Variants in IMPA1 observed in about 807,000 individuals in gnomAD.
IMPA1 encodes the protein inositol monophosphatase 1.
Under a neutral mutation model 34.9 loss-of-function variants are expected in IMPA1, and 21 were observed. The ratio of observed to expected loss-of-function variants is 0.60; its 90% CI spans 0.43 to 0.87. The LOEUF (loss-of-function observed/expected upper bound fraction) is 0.87. Among genes scored for constraint, IMPA1 ranks in the 40% least tolerant of loss-of-function variants. The probability of loss-of-function intolerance (pLI) is 0.00; values close to 1 mark genes in which losing one functional copy is unlikely to be tolerated. For missense variants in IMPA1, 299 were observed against 336.4 expected, an observed-to-expected ratio of 0.89 and a Z score of 0.87; for synonymous variants, 95 against 104.4, an observed-to-expected ratio of 0.91 and a Z score of 0.55.
At chr8:81,671,159 T>C (rs1196180377) in intron 6 of IMPA1, 112 bp from the exon 7 acceptor site, 1 of 511,080 alleles carries the variant, frequency 2.0e-6, no homozygotes, top group African/African-American at 2.0e-5. Context: ...TGTTTCTTTA[T>C]AAGCATTTAA....
chr8:81,660,192 A>G (rs1156558208), intron 8 of IMPA1, among the ~76,000 whole-genome samples: 2 of 152,234 alleles, frequency 1.3e-5, no homozygotes, highest in Admixed American at 1.3e-4. Flanking sequence ...GTTGGGCCAC[A>G]TTCAAAGCCA....
At chr8:81,660,489 G>A in intron 8 of IMPA1, 27 bp downstream of exon 8, 1 of 1,607,178 alleles carries the variant, frequency 6.2e-7, no homozygotes. Flanking sequence ...GATGTGTGGA[G>A]ATCTGCTTCA....
chr8:81,685,197 AT>A (rs1490018855), intron 1 of IMPA1, among the ~76,000 whole-genome samples: 1 of 135,752 alleles, frequency 7.4e-6, no homozygotes, highest in Non-Finnish European at 1.5e-5. Context: ...ATACATAAGT[AT>A]ATTTAGATAC....
At chr8:81,677,030 A>T (rs1807152290) in intron 4 of IMPA1, among the ~76,000 whole-genome samples, 2 of 152,128 alleles carry the variant, frequency 1.3e-5, no homozygotes, top group South Asian at 4.1e-4. Flanking sequence ...TTTTAAATCA[A>T]TTTGGTTAAA....
At chr8:81,669,216 G>C (rs1806920355) in intron 7 of IMPA1, among the ~76,000 whole-genome samples, 1 of 152,146 alleles carries the variant, frequency 6.6e-6, no homozygotes, top group South Asian at 2.1e-4. Flanking sequence ...CCACCACAGA[G>C]AGTCCCCACT....
At chr8:81,664,211 G>A (rs577126632) in intron 7 of IMPA1, among the ~76,000 whole-genome samples, 4 of 151,986 alleles carry the variant, frequency 2.6e-5, no homozygotes, top group Non-Finnish European at 5.9e-5. Context: ...GAGATTTGGA[G>A]AATAATAATA....
At position 81,679,195 on chromosome 8, in the gene IMPA1, T is replaced by C; in HGVS notation, c.233A>G (p.Lys78Arg). The change falls in exon 4 of 9, where the codon AAA (lysine) becomes AGA (arginine). Residue 78 changes from lysine to arginine, a missense_variant. By Grantham distance (26) the Lys-to-Arg change is conservative. Transcript: ENST00000256108. The stretch of plus-strand genomic sequence containing the variant: ...TGTGGGGTTGTCGGTTAAGATACTT[T>C]TTTCCCCAGCTGCCACAGATTCTTC... The part of the protein sequence containing the change: ...IGEESVAAGE[K>R]SILTDNPTWI... The C allele has an allele frequency of 6.2e-7, 1 of 1,613,996 alleles. No individual in the cohort carries two copies. Among genetic ancestry groups the C allele is most frequent in the Non-Finnish European group, 8.5e-7 (1 of 1,179,912 alleles).
intron 7 of IMPA1, among the ~76,000 whole-genome samples, chr8:81,668,739 C>A (rs1299529958): frequency 1.3e-5 from 2 of 151,066 alleles, no homozygotes; most frequent in Admixed American, 1.3e-4. Flanking sequence ...AATAGATTAG[C>A]ACAGCTACAA....
At chr8:81,686,015 A>T in intron 1 of IMPA1, 4 of 1,385,528 alleles carry the variant, frequency 2.9e-6, no homozygotes, top group Non-Finnish European at 3.8e-6. Context: ...AGAAGCCGCC[A>T]CAGAGGTTAA....
intron 7 of IMPA1, among the ~76,000 whole-genome samples, chr8:81,663,494 C>A (rs1387983354): frequency 6.6e-6 from 1 of 152,172 alleles, no homozygotes; most frequent in African/African-American, 2.4e-5. Context: ...CTATTTCTAT[C>A]CAGCTGTGCG....
intron 7 of IMPA1, among the ~76,000 whole-genome samples, chr8:81,666,869 C>CAAAAAAA (rs33975606): frequency 2.5e-5 from 1 of 39,342 alleles, no homozygotes; most frequent in Non-Finnish European, 4.9e-5. Flanking sequence ...GACTCTGTCT[C>CAAAAAAA]AAAAAAAAAA....
In IMPA1 at chr8:81,658,723, C is replaced by T. The variant is rs1049484916; in HGVS notation, c.*628G>A. The T allele has an allele frequency of 6.6e-6, 1 of 152,530 alleles. No individual in the cohort carries two copies. The highest frequency in any genetic ancestry group is 6.6e-5 in the Admixed American group (1 of 15,266). 9.4% of individuals were successfully genotyped at this position (152,530 alleles called of 1,614,324 possible). On this transcript the variant is annotated 3_prime_UTR_variant, in exon 9 of 9. Transcript: ENST00000256108. ...TTAACTAGATAATTTTTACTTCAAA[C>T]CTGAAGCAAAAGTACAGAATGCTGA...
At chr8:81,666,061 T>C (rs573253367) in intron 7 of IMPA1, among the ~76,000 whole-genome samples, 2 of 152,280 alleles carry the variant, frequency 1.3e-5, no homozygotes, top group East Asian at 1.9e-4. Context: ...AGCGGGGTCA[T>C]GGGTTGAAGA....
At position 81,686,071 on chromosome 8, in the gene IMPA1, C is replaced by T. The variant is rs28725428; in HGVS notation, c.-25+181G>A. ...CGCTACTCCAATGCCGGAACTGTTC[C>T]CGGTCGCCCAGGGCAGCTCCGGATA... On this transcript the variant is annotated intron_variant, in intron 1 of 8. Transcript: ENST00000256108. 6,036 of 1,042,800 alleles carry T rather than the reference C, an allele frequency of 5.8e-3. 250 individuals are homozygous for T. In the African/African-American group the frequency reaches 0.088, roughly 15 times the overall value. 64.6% of individuals were successfully genotyped at this position (1,042,800 alleles called of 1,614,324 possible).
At chr8:81,667,592 G>T (rs1219300657) in intron 7 of IMPA1, among the ~76,000 whole-genome samples, 1 of 152,102 alleles carries the variant, frequency 6.6e-6, no homozygotes. Context: ...TTCCGTGAAT[G>T]AAGCATTAAG....
intron 2 of IMPA1, among the ~76,000 whole-genome samples, chr8:81,681,125 G>C (rs913413202): frequency 1.3e-5 from 2 of 152,198 alleles, no homozygotes; most frequent in Non-Finnish European, 2.9e-5. Flanking sequence ...GCTGGGTATG[G>C]TGGTTCACGC....
At chr8:81,682,163 T>A (rs1036136734) in intron 1 of IMPA1, among the ~76,000 whole-genome samples, 5 of 151,546 alleles carry the variant, frequency 3.3e-5, no homozygotes, top group African/African-American at 1.2e-4. Flanking sequence ...CCAAAAAAAA[T>A]AAGAAAAAAG....
intron 7 of IMPA1, among the ~76,000 whole-genome samples, chr8:81,668,793 G>A (rs905928590): frequency 2.0e-5 from 3 of 152,078 alleles, no homozygotes; most frequent in South Asian, 2.1e-4. Flanking sequence ...GAAAGAACCC[G>A]AAGGCATTTA....
At chr8:81,671,670 G>C (rs1467555587) in intron 6 of IMPA1, among the ~76,000 whole-genome samples, 2 of 152,154 alleles carry the variant, frequency 1.3e-5, no homozygotes, top group Non-Finnish European at 2.9e-5. Flanking sequence ...GGCGGAGGCA[G>C]GCAGATCACG....
Sources: allele counts gnomAD v4.1 joint callset (sites outside exome capture counted in the v4.1 genomes callset), GRCh38; gene constraint gnomAD v4.1.1; transcripts MANE v1.5; gene names NCBI Gene and HGNC (gene_info 2026-07-23, HGNC 2026-07-21).